Variants in GAR1 observed in about 807,000 individuals in gnomAD.
The protein encoded by GAR1 is GAR1 ribonucleoprotein.
A neutral mutation model predicts 29.3 loss-of-function variants in GAR1; 11 were observed. That is an observed-to-expected ratio of 0.38 (90% CI 0.24 to 0.62). The LOEUF (loss-of-function observed/expected upper bound fraction) is 0.62, where lower values mean the gene tolerates loss of function less well. Among genes scored for constraint, GAR1 ranks in the 20% least tolerant of loss-of-function variants. GAR1 has a pLI of 0.62. For synonymous variants in GAR1, 87 were observed against 93.3 expected (o/e 0.93, Z 0.39); for missense variants, 237 against 268.4 (o/e 0.88, Z 0.82).
intron 4 of GAR1, among the ~76,000 whole-genome samples, chr4:109,819,807 A>C (rs780607232): frequency 6.6e-6 from 1 of 152,240 alleles, no homozygotes. Context: ...CAGTATGTGC[A>C]GTCTCTGAGA....
intron 5 of GAR1, among the ~76,000 whole-genome samples, chr4:109,822,890 T>G (rs1279150538): frequency 6.6e-6 from 1 of 152,244 alleles, no homozygotes; most frequent in Non-Finnish European, 1.5e-5. Context: ...ATGATATCCT[T>G]ATTTTATGAA....
At chr4:109,817,622 A>G (rs936954613) in intron 2 of GAR1, among the ~76,000 whole-genome samples, 1 of 152,258 alleles carries the variant, frequency 6.6e-6, no homozygotes, top group African/African-American at 2.4e-5. Flanking sequence ...TGTTCTAAGC[A>G]CTTGACATTT....
At chr4:109,820,810 G>T (rs181323779) in intron 4 of GAR1, among the ~76,000 whole-genome samples, 2 of 152,192 alleles carry the variant, frequency 1.3e-5, no homozygotes, top group Non-Finnish European at 2.9e-5. Context: ...ACTAGTTGTA[G>T]AAACCTTGGC....
intron 4 of GAR1, among the ~76,000 whole-genome samples, chr4:109,820,996 G>T (rs894915579): frequency 1.3e-5 from 2 of 152,016 alleles, no homozygotes; most frequent in African/African-American, 4.8e-5. Flanking sequence ...TTATTTGGGG[G>T]CTTATTGTTT....
rs770141440 is a variant in GAR1, at chr4:109,819,051, A to T, written c.420A>T (p.Lys140Asn). 2.0e-6 allele frequency: 3 copies of T among 1,492,548 alleles called. No individual in the cohort carries two copies. The highest frequency in any genetic ancestry group is 1.9e-6 in the Non-Finnish European group (2 of 1,070,814). 92.5% of individuals were successfully genotyped at this position (1,492,548 alleles called of 1,614,324 possible). The change falls in exon 4 of 7, where the codon AAA (lysine) becomes AAT (asparagine). Residue 140 changes from lysine (K) to asparagine (N), a missense_variant. Physicochemically the swap from Lys to Asn is moderately conservative, Grantham distance 94 (BLOSUM62 0). Transcript: ENST00000226796. ...SENMKASSFKKLQKFYIDPYK... is the reference protein window; with the variant it reads ...SENMKASSFKNLQKFYIDPYK... Reference sequence around the variant, plus strand: ...ACATGAAGGCTTCATCCTTTAAAAAACTACAGAAGGTGAGTCAAACTTATG... The same window carrying T: ...ACATGAAGGCTTCATCCTTTAAAAATCTACAGAAGGTGAGTCAAACTTATG...
chr4:109,822,176 A>G (rs1376762349), intron 4 of GAR1, among the ~76,000 whole-genome samples, 171 bp from the exon 5 acceptor site: 2 of 144,508 alleles, frequency 1.4e-5, no homozygotes, highest in African/African-American at 5.1e-5. Context: ...AAAAAAAAAA[A>G]AAAGAAACCT....
intron 3 of GAR1, among the ~76,000 whole-genome samples, chr4:109,818,449 TTTTCTC>T (rs1382999241): frequency 6.6e-6 from 1 of 151,868 alleles, no homozygotes; most frequent in Non-Finnish European, 1.5e-5. Flanking sequence ...CTCTCTCTCT[TTTTCTC>T]TTTCTCTCTT....
intron 5 of GAR1, among the ~76,000 whole-genome samples, chr4:109,822,802 G>T (rs1165452151): frequency 6.6e-6 from 1 of 152,018 alleles, no homozygotes; most frequent in Non-Finnish European, 1.5e-5. Flanking sequence ...AGTGTAGACT[G>T]CATGCTGAAA....
Position 109,818,985 on chromosome 4 carries a change from T to C in GAR1, c.370-16T>C. 9.3e-7 allele frequency: 1 copy of C among 1,079,934 alleles called. No individual in the cohort carries two copies. Among genetic ancestry groups the C allele is most frequent in the South Asian group, 1.3e-5 (1 of 75,534 alleles). 66.9% of individuals were successfully genotyped at this position (1,079,934 alleles called of 1,614,324 possible). On this transcript the variant is annotated splice_polypyrimidine_tract_variant and intron_variant, in intron 3 of 6. Coordinates refer to ENST00000226796, the MANE Select transcript of GAR1 (RefSeq NM_018983.4). Reference sequence around the variant, plus strand: ...TTCATCTTAATTGCTCATTTGTTCCTTAATGAAAATAATAGTATTTTTCAG... The same window carrying C: ...TTCATCTTAATTGCTCATTTGTTCCCTAATGAAAATAATAGTATTTTTCAG...
intron 5 of GAR1, 170 bp downstream of exon 5, chr4:109,822,658 C>T (rs2125890138): frequency 1.6e-6 from 1 of 627,218 alleles, no homozygotes; most frequent in East Asian, 3.2e-5. Flanking sequence ...ATTTCAACAA[C>T]TTACTTAAAA....
In GAR1 at chr4:109,821,036, A is replaced by C. The variant is rs147613201; in HGVS notation, c.430-1311A>C. 1.1e-4 allele frequency among the ~76,000 whole-genome samples: 16 copies of C among 152,256 alleles called. No homozygotes were observed. In the East Asian group the frequency reaches 3.1e-3, roughly 29 times the overall value. On this transcript the variant is annotated intron_variant, in intron 4 of 6. Transcript: ENST00000226796. ...TTTTGGGTTTTTGCTTTTTAATTAC[A>C]GATACTAACTTGAGTACATTCTACC...
At chr4:109,818,703 T>G (rs1282994884) in intron 3 of GAR1, among the ~76,000 whole-genome samples, 3 of 151,846 alleles carry the variant, frequency 2.0e-5, no homozygotes, top group African/African-American at 7.3e-5. Flanking sequence ...TAGCTGAGAT[T>G]ACAGGTGAGC....
chr4:109,816,079 C>A, intron 1 of GAR1, 74 bp from the exon 2 acceptor site: 2 of 1,402,898 alleles, frequency 1.4e-6, no homozygotes, highest in Non-Finnish European at 2.0e-6. Context: ...GTGTTCTCAC[C>A]GCAGCTCCGA....
chr4:109,824,550 C>T lies in GAR1; in HGVS notation c.*119C>T. On this transcript the variant is annotated 3_prime_UTR_variant, in exon 7 of 7. Transcript: ENST00000226796. ...CTTGAAGATCTTGGTCATTTTATGA[C>T]AATGGATCTAAAATGTCAGCATCAT... 1 of 788,070 alleles carries T rather than the reference C, an allele frequency of 1.3e-6. No individual in the cohort carries two copies. The highest frequency in any genetic ancestry group is 1.5e-5 in the South Asian group (1 of 66,138). The allele number at this position is 788,070 out of a possible 1,614,324, so 48.8% of individuals were successfully genotyped here.
At chr4:109,823,866 C>A in intron 5 of GAR1, 99 bp from the exon 6 acceptor site, 2 of 676,792 alleles carry the variant, frequency 3.0e-6, no homozygotes, top group Non-Finnish European at 5.0e-6. Context: ...TCTTTTTAGG[C>A]TTATCAATAT....
intron 5 of GAR1, chr4:109,822,689 A>G (rs1464583396): frequency 6.4e-6 from 3 of 466,310 alleles, no homozygotes; most frequent in African/African-American, 4.1e-5. Flanking sequence ...CTACTAAAGT[A>G]TACTTTTGAG....
chr4:109,818,136 T>C (rs753848158), intron 3 of GAR1, 46 bp downstream of exon 3: 1 of 1,448,174 alleles, frequency 6.9e-7, no homozygotes, highest in Admixed American at 2.1e-5. Context: ...AAGGTTGCTA[T>C]TTGCATTTTT....
At position 109,822,687 on chromosome 4, in the gene GAR1, G is replaced by A; in HGVS notation, c.571+199G>A. The stretch of plus-strand genomic sequence containing the variant: ...CTTAAAAAGAAGAAAATCTACTAAA[G>A]TATACTTTTGAGGGACTTCATTTCT... On this transcript the variant is annotated intron_variant, in intron 5 of 6. Transcript: ENST00000226796. 3 of 464,552 alleles carry A rather than the reference G, an allele frequency of 6.5e-6. No homozygotes were observed. The Admixed American group carries it at 1.3e-4, about 20-fold the overall frequency. 28.8% of individuals were successfully genotyped at this position (464,552 alleles called of 1,614,324 possible).
At chr4:109,819,152 C>T in intron 4 of GAR1, 92 bp downstream of exon 4, 3 of 774,762 alleles carry the variant, frequency 3.9e-6, no homozygotes, top group Non-Finnish European at 7.2e-6. Context: ...GAGACTTTCC[C>T]AACATATCAC....
Sources: allele counts gnomAD v4.1 joint callset (sites outside exome capture counted in the v4.1 genomes callset), GRCh38; gene constraint gnomAD v4.1.1; transcripts MANE v1.5; gene names NCBI Gene and HGNC (gene_info 2026-07-23, HGNC 2026-07-21).